KCNJ6: variants seen among roughly 807,000 people sequenced by gnomAD.
KCNJ6 encodes G protein-activated inward rectifier potassium channel 2.
A neutral mutation model predicts 34.2 loss-of-function variants in KCNJ6; 9 were observed. The ratio of observed to expected loss-of-function variants is 0.26; its 90% CI spans 0.16 to 0.46. The LOEUF is 0.46. KCNJ6 is among the 20% of genes least tolerant of loss of function. KCNJ6 has a pLI of 1.00. For missense variants in KCNJ6, 236 were observed against 531.3 expected (o/e 0.44, Z 5.46); for synonymous variants, 196 against 207.1 (o/e 0.95, Z 0.46).
chr21:37,873,102 C>T (rs2055660513), intron 1 of KCNJ6, among the ~76,000 whole-genome samples: 1 of 152,192 alleles, frequency 6.6e-6, no homozygotes, highest in South Asian at 2.1e-4. Flanking sequence ...CAAAGCCTAG[C>T]TGTTTCTCCT....
intron 2 of KCNJ6, among the ~76,000 whole-genome samples, chr21:37,741,887 T>C (rs568137771): frequency 6.6e-6 from 1 of 152,302 alleles, no homozygotes; most frequent in South Asian, 2.1e-4. Flanking sequence ...CTCTTTGGGT[T>C]GTGGAAATAA....
intron 3 of KCNJ6, among the ~76,000 whole-genome samples, chr21:37,655,240 A>T (rs1190460335): frequency 1.1e-4 from 1 of 8,874 alleles, no homozygotes; most frequent in African/African-American, 5.3e-4. Flanking sequence ...AGAGAGAGAG[A>T]GAGAGAGAGA....
At chr21:37,810,497 A>G (rs756592466) in intron 2 of KCNJ6, among the ~76,000 whole-genome samples, 1 of 152,204 alleles carries the variant, frequency 6.6e-6, no homozygotes, top group African/African-American at 2.4e-5. Context: ...TTGTCAATGA[A>G]CAGTCAATAA....
chr21:37,748,578 GA>G (rs761882932), intron 2 of KCNJ6, among the ~76,000 whole-genome samples: 1 of 152,160 alleles, frequency 6.6e-6, no homozygotes, highest in Non-Finnish European at 1.5e-5. Context: ...ATAGGAAGTG[GA>G]AGACTTCATA....
At chr21:37,715,207 G>C (rs2054784045) in intron 2 of KCNJ6, 76 bp from the exon 3 acceptor site, 5 of 1,267,646 alleles carry the variant, frequency 3.9e-6, no homozygotes, top group Non-Finnish European at 5.4e-6. Flanking sequence ...GGCACACTTT[G>C]TATGGGCTGG....
intron 2 of KCNJ6, among the ~76,000 whole-genome samples, chr21:37,793,146 C>G (rs1482692147): frequency 6.6e-6 from 1 of 152,214 alleles, no homozygotes; most frequent in Non-Finnish European, 1.5e-5. Context: ...AGAAAATCTT[C>G]ATGGTTGAAG....
chr21:37,668,097 G>A (rs1043141221), intron 3 of KCNJ6, among the ~76,000 whole-genome samples: 2 of 152,202 alleles, frequency 1.3e-5, no homozygotes, highest in Middle Eastern at 3.2e-3. Flanking sequence ...CTCCCTTGGG[G>A]ACGGAGCCCA....
At chr21:37,700,265 T>C (rs79589794) in intron 3 of KCNJ6, among the ~76,000 whole-genome samples, 3 of 152,148 alleles carry the variant, frequency 2.0e-5, no homozygotes, top group African/African-American at 4.8e-5. Context: ...GCAGGGAGAT[T>C]TGTGGGCAGG....
chr21:37,712,641 C>CT (rs1474687306), intron 3 of KCNJ6, among the ~76,000 whole-genome samples: 8 of 56,306 alleles, frequency 1.4e-4, no homozygotes, highest in Admixed American at 3.8e-4. Flanking sequence ...CTCCCTCCTC[C>CT]CCTTCTCCTC....
intron 2 of KCNJ6, among the ~76,000 whole-genome samples, chr21:37,735,345 G>C (rs939620532): frequency 1.3e-5 from 2 of 152,116 alleles, no homozygotes; most frequent in Non-Finnish European, 2.9e-5. Context: ...GACCACCCAC[G>C]GCGCTTTCAC....
chr21:37,867,601 A>G (rs1476499151), intron 1 of KCNJ6, among the ~76,000 whole-genome samples: 1 of 152,242 alleles, frequency 6.6e-6, no homozygotes, highest in African/African-American at 2.4e-5. Flanking sequence ...TCCAAAAACA[A>G]CAATTGAAAT....
At chr21:37,758,591 T>C (rs2055043554) in intron 2 of KCNJ6, among the ~76,000 whole-genome samples, 1 of 152,230 alleles carries the variant, frequency 6.6e-6, no homozygotes, top group Non-Finnish European at 1.5e-5. Context: ...GAACTGGCTC[T>C]AGTACAAATA....
At chr21:37,862,261 C>T (rs16995590) in intron 1 of KCNJ6, among the ~76,000 whole-genome samples, 116 of 152,328 alleles carry the variant, frequency 7.6e-4, no homozygotes, top group Middle Eastern at 3.4e-3. Context: ...TCCAAGTCTA[C>T]CTTAAATAGG....
intron 2 of KCNJ6, among the ~76,000 whole-genome samples, chr21:37,798,820 T>C (rs951244927): frequency 2.6e-5 from 4 of 152,160 alleles, no homozygotes; most frequent in Non-Finnish European, 5.9e-5. Context: ...GGTTCTAAAA[T>C]TGATCTCGGT....
rs369282745 is a variant in KCNJ6 at position 37,761,207 on chromosome 21, T to TTG, written c.26-46078_26-46077dup. Among the ~76,000 whole-genome samples the TTG allele has an allele frequency of 2.0e-3, 300 of 150,280 alleles. 1 individual carries two copies. Among genetic ancestry groups the TTG allele is most frequent in the Middle Eastern group, 6.8e-3 (2 of 292 alleles). On this transcript the variant is annotated intron_variant, in intron 2 of 3. Coordinates refer to ENST00000609713, the MANE Select transcript of KCNJ6 (RefSeq NM_002240.5). ...TGTGTGTGCGATGTGTGTGTATGTA[T>TTG]TGTGTGTGTGTGTGCATGTCTGTGT...
At chr21:37,710,283 C>G (rs1515056) in intron 3 of KCNJ6, among the ~76,000 whole-genome samples, 42,313 of 152,044 alleles carry the variant, frequency 0.28, 6,386 homozygotes, top group Middle Eastern at 0.37. Flanking sequence ...GGTATGATAG[C>G]TATGTTTTTA....
At chr21:37,888,670 G>C (rs988757653) in intron 1 of KCNJ6, among the ~76,000 whole-genome samples, 1 of 152,230 alleles carries the variant, frequency 6.6e-6, no homozygotes, top group Admixed American at 6.5e-5. Flanking sequence ...TTGGAGACCT[G>C]GTGGGGCAGG....
At chr21:37,687,640 T>G (rs151290000) in intron 3 of KCNJ6, among the ~76,000 whole-genome samples, 8 of 152,356 alleles carry the variant, frequency 5.3e-5, no homozygotes, top group African/African-American at 1.7e-4. Flanking sequence ...TCAATGTGCC[T>G]GTTTTATAGC....
intron 3 of KCNJ6, among the ~76,000 whole-genome samples, chr21:37,701,397 G>GTA (rs1297442216): frequency 6.6e-6 from 1 of 151,560 alleles, no homozygotes; most frequent in African/African-American, 2.4e-5. Context: ...TTAACTTTTT[G>GTA]TGTGTGTGTG....
Sources: gnomAD v4.1 joint callset for allele counts (sites outside exome capture counted in the v4.1 genomes callset) on GRCh38, gnomAD v4.1.1 for gene constraint, MANE v1.5 for transcripts, NCBI Gene and HGNC (gene_info 2026-07-23, HGNC 2026-07-21) for gene names.